PDE7B: variants seen among roughly 807,000 people sequenced by gnomAD.
The protein encoded by PDE7B is phosphodiesterase 7B.
Under a neutral mutation model 56.2 loss-of-function variants are expected in PDE7B, and 29 were observed. The observed-to-expected ratio is 0.52, with a 90% CI of 0.38 to 0.70. PDE7B has a LOEUF of 0.70. Ranked by LOEUF, PDE7B falls within the 30% of genes least tolerant of loss-of-function variation. The pLI, the probability that PDE7B is intolerant of heterozygous loss-of-function variation, is 0.00. For synonymous variants in PDE7B, 197 were observed against 196.9 expected (o/e 1.00, Z 0.00); for missense variants, 490 against 565.0 (o/e 0.87, Z 1.35).
chr6:135,861,430 T>C (rs1224451784), intron 1 of PDE7B, among the ~76,000 whole-genome samples: 1 of 151,454 alleles, frequency 6.6e-6, no homozygotes, highest in Non-Finnish European at 1.5e-5. Context: ...GAGCACCTTT[T>C]CACATGTATA....
chr6:136,097,049 A>G (rs1021300046), intron 2 of PDE7B, among the ~76,000 whole-genome samples: 1 of 151,910 alleles, frequency 6.6e-6, no homozygotes, highest in Admixed American at 6.6e-5. Flanking sequence ...TCTGACTCCC[A>G]CTTCTCCTTT....
At position 135,947,644 on chromosome 6, in the gene PDE7B, G is replaced by A. The variant is rs1774616640; in HGVS notation, c.82+120G>A. On this transcript the variant is annotated intron_variant, in intron 2 of 12. Coordinates refer to ENST00000308191, the MANE Select transcript of PDE7B (RefSeq NM_018945.4). The stretch of plus-strand genomic sequence containing the variant: ...GAAGAGGCTGATAGGTTCTTTTGTG[G>A]TTATGCAGACAGCTATAACACATTT... The A allele has an allele frequency of 8.4e-6, 6 of 714,572 alleles. No homozygotes were observed. In the Admixed American group the frequency reaches 8.5e-5, roughly 10 times the overall value. 44.3% of individuals were successfully genotyped at this position (714,572 alleles called of 1,614,324 possible). A position where few individuals can be genotyped will look rare whatever the true frequency, so the allele number is the denominator to read the frequency against.
intron 3 of PDE7B, among the ~76,000 whole-genome samples, chr6:136,131,494 GTTTTT>G (rs1201361799): frequency 3.5e-5 from 3 of 84,682 alleles, no homozygotes; most frequent in African/African-American, 1.4e-4. Flanking sequence ...ATCCTGGCAG[GTTTTT>G]TTTTTTTTTT....
At chr6:136,010,469 A>G (rs574849001) in intron 2 of PDE7B, among the ~76,000 whole-genome samples, 29 of 144,114 alleles carry the variant, frequency 2.0e-4, no homozygotes, top group African/African-American at 2.9e-4. Context: ...GCAGTGGTGC[A>G]GTCTCGGCTC....
chr6:135,954,396 ACT>A (rs1774752944), intron 2 of PDE7B, among the ~76,000 whole-genome samples: 2 of 151,516 alleles, frequency 1.3e-5, no homozygotes, highest in Admixed American at 6.6e-5. Context: ...AGTATTTAAA[ACT>A]CTCTGCTAAC....
At position 135,949,808 on chromosome 6, in the gene PDE7B, T is replaced by A. The variant is rs374108670; in HGVS notation, c.82+2284T>A. Among the ~76,000 whole-genome samples the A allele has an allele frequency of 9.2e-5, 14 of 152,224 alleles. 1 individual carries two copies. Among genetic ancestry groups the A allele is most frequent in the Admixed American group, 5.2e-4 (8 of 15,260 alleles). On this transcript the variant is annotated intron_variant, in intron 2 of 12. Transcript: ENST00000308191. ...TTATTAGTTTCAGGACACATAGGAA[T>A]AACAAGTATACATTTTACCTTTAAG...
intron 1 of PDE7B, among the ~76,000 whole-genome samples, chr6:135,912,677 G>A (rs933962894): frequency 2.0e-5 from 3 of 152,204 alleles, no homozygotes; most frequent in Non-Finnish European, 2.9e-5. Context: ...AGCAACAGCT[G>A]AGAGGAAAAA....
chr6:136,124,040 T>C (rs1048475300), intron 3 of PDE7B, among the ~76,000 whole-genome samples: 8 of 152,216 alleles, frequency 5.3e-5, no homozygotes, highest in Admixed American at 2.6e-4. Context: ...ATTGAACAGT[T>C]CTCACCATCT....
chr6:136,142,619 A>G (rs1378019872), intron 3 of PDE7B, among the ~76,000 whole-genome samples: 1 of 152,160 alleles, frequency 6.6e-6, no homozygotes, highest in Non-Finnish European at 1.5e-5. Context: ...GACTTGCTTT[A>G]TGAATCTGGG....
At chr6:136,032,437 A>C (rs548292063) in intron 2 of PDE7B, among the ~76,000 whole-genome samples, 3 of 152,310 alleles carry the variant, frequency 2.0e-5, no homozygotes, top group African/African-American at 7.2e-5. Context: ...TGCACTTACA[A>C]AGAATATTTA....
At chr6:135,853,976 C>T (rs750697474) in intron 1 of PDE7B, among the ~76,000 whole-genome samples, 3 of 152,106 alleles carry the variant, frequency 2.0e-5, no homozygotes, top group Non-Finnish European at 2.9e-5. Context: ...TTGAAAAGCA[C>T]TTTTGGTGTC....
intron 1 of PDE7B, 111 bp from the exon 2 acceptor site, chr6:135,947,353 A>G (rs1470845705): frequency 2.3e-6 from 2 of 854,366 alleles, no homozygotes; most frequent in Non-Finnish European, 3.9e-6. Flanking sequence ...CAGGTAACCA[A>G]TGAAAACAAA....
At chr6:136,111,365 CCT>C (rs1007535070) in intron 3 of PDE7B, among the ~76,000 whole-genome samples, 26 of 152,222 alleles carry the variant, frequency 1.7e-4, no homozygotes, top group African/African-American at 6.0e-4. Context: ...TAAATCATCC[CCT>C]GTGTTTAACT....
chr6:136,139,452 C>A (rs560447214), intron 3 of PDE7B, among the ~76,000 whole-genome samples: 3 of 152,122 alleles, frequency 2.0e-5, no homozygotes, highest in Admixed American at 6.5e-5. Context: ...GTCTTTAGAG[C>A]AGCATGATTT....
intron 2 of PDE7B, among the ~76,000 whole-genome samples, chr6:135,959,574 A>C (rs962059266): frequency 6.6e-6 from 1 of 152,146 alleles, no homozygotes; most frequent in Non-Finnish European, 1.5e-5. Flanking sequence ...TACACCAGGC[A>C]GTCTACGGAA....
intron 3 of PDE7B, among the ~76,000 whole-genome samples, chr6:136,142,855 G>A (rs1778351307): frequency 8.7e-6 from 1 of 114,898 alleles, no homozygotes; most frequent in Admixed American, 8.7e-5. Flanking sequence ...CTCTGCACAT[G>A]AATGGGTTTC....
intron 1 of PDE7B, among the ~76,000 whole-genome samples, chr6:135,931,959 A>G (rs1040541872): frequency 1.9e-4 from 16 of 83,260 alleles, no homozygotes; most frequent in African/African-American, 7.0e-4. Context: ...GCGCGCACAC[A>G]CACACACACA....
chr6:136,175,237 A>AATATGTGAAAACTTT (rs1391163400), intron 9 of PDE7B, among the ~76,000 whole-genome samples: 1 of 152,252 alleles, frequency 6.6e-6, no homozygotes, highest in East Asian at 1.9e-4. Flanking sequence ...ATTGTTATAC[A>AATATGTGAAAACTTT]ATAATATATG....
At chr6:136,058,051 A>G (rs1425232036) in intron 2 of PDE7B, among the ~76,000 whole-genome samples, 1 of 152,130 alleles carries the variant, frequency 6.6e-6, no homozygotes, top group Non-Finnish European at 1.5e-5. Context: ...TCACAATTTA[A>G]TAATGCAAAA....
Sources: gnomAD v4.1 joint callset for allele counts (sites outside exome capture counted in the v4.1 genomes callset) on GRCh38, gnomAD v4.1.1 for gene constraint, MANE v1.5 for transcripts, NCBI Gene and HGNC (gene_info 2026-07-23, HGNC 2026-07-21) for gene names.